Variants in ABCC4 observed in about 807,000 individuals in gnomAD.
The protein encoded by ABCC4 is ATP binding cassette subfamily C member 4 (PEL blood group), also known as ATP-binding cassette sub-family C member 4.
Under a neutral mutation model 168.5 loss-of-function variants are expected in ABCC4, and 102 were observed. That is an observed-to-expected ratio of 0.61 (90% CI 0.52 to 0.71). The LOEUF is 0.71. Among genes scored for constraint, ABCC4 ranks in the 30% least tolerant of loss-of-function variants. The pLI, the probability that ABCC4 is intolerant of heterozygous loss-of-function variation, is 0.00. For synonymous variants in ABCC4, 617 were observed against 590.7 expected (o/e 1.04, Z -0.65); for missense variants, 1,402 against 1,605.8 (o/e 0.87, Z 2.17).
At chr13:95,274,004 G>A (rs1396362476) in intron 1 of ABCC4, among the ~76,000 whole-genome samples, 3 of 151,920 alleles carry the variant, frequency 2.0e-5, no homozygotes, top group Non-Finnish European at 4.4e-5. Flanking sequence ...TCTCCTCCGT[G>A]CCTTCTGTCA....
chr13:95,032,546 T>C lies in ABCC4; in HGVS notation c.3870+2059A>G, dbSNP rs187205184. Among the ~76,000 whole-genome samples, 330 of 152,378 alleles carry C rather than the reference T, an allele frequency of 2.2e-3. 2 individuals are homozygous for C. The highest frequency in any genetic ancestry group is 7.6e-3 in the African/African-American group (315 of 41,586). On this transcript the variant is annotated intron_variant, in intron 30 of 30. Coordinates refer to ENST00000645237, the MANE Select transcript of ABCC4 (RefSeq NM_005845.5). ...AATATCCTACAGACAGTGGCAAGGATAGTTCCTCACTTCTGTGGAGAATGA... is the reference window on the plus strand; with the variant it reads ...AATATCCTACAGACAGTGGCAAGGACAGTTCCTCACTTCTGTGGAGAATGA...
At chr13:95,218,765 C>A (rs1014822258) in intron 4 of ABCC4, among the ~76,000 whole-genome samples, 1 of 151,416 alleles carries the variant, frequency 6.6e-6, no homozygotes, top group South Asian at 2.1e-4. Context: ...GTGGAAAGAT[C>A]GCTTGAGCCC....
At chr13:95,096,188 G>GAA (rs368009361) in intron 20 of ABCC4, 336 of 494,910 alleles carry the variant, frequency 6.8e-4, no homozygotes, top group South Asian at 1.4e-3. Context: ...CTCTATGAAA[G>GAA]AAAAAAAAAA....
chr13:95,119,954 C>T (rs530472018), intron 19 of ABCC4, among the ~76,000 whole-genome samples: 95 of 152,304 alleles, frequency 6.2e-4, no homozygotes, highest in Non-Finnish European at 1.1e-3. Flanking sequence ...TATGCCCACC[C>T]CAGCCTCAAG....
At chr13:95,277,265 A>G (rs2040994835) in intron 1 of ABCC4, among the ~76,000 whole-genome samples, 1 of 151,762 alleles carries the variant, frequency 6.6e-6, no homozygotes, top group East Asian at 1.9e-4. Context: ...CACTAAAAAG[A>G]GGGGGTCAGA....
intron 14 of ABCC4, among the ~76,000 whole-genome samples, chr13:95,167,070 G>A (rs373033951): frequency 1.3e-5 from 2 of 151,852 alleles, no homozygotes; most frequent in Non-Finnish European, 2.9e-5. Flanking sequence ...CTAGCTACTC[G>A]GGAGGCTGAG....
intron 19 of ABCC4, among the ~76,000 whole-genome samples, chr13:95,144,255 C>CATAAAATATTATAATATATAGT (rs2036414016): frequency 6.6e-6 from 1 of 151,200 alleles, no homozygotes; most frequent in African/African-American, 2.4e-5. Context: ...ATGATGATAA[C>CATAAAATATTATAATATATAGT]ATAAAATATT....
At chr13:95,084,624 A>G (rs1353364598) in intron 20 of ABCC4, among the ~76,000 whole-genome samples, 1 of 152,216 alleles carries the variant, frequency 6.6e-6, no homozygotes, top group Non-Finnish European at 1.5e-5. Context: ...AAACAAGTCA[A>G]AATGTCTAAC....
At chr13:95,039,253 A>G (rs938254330) in intron 29 of ABCC4, among the ~76,000 whole-genome samples, 4 of 152,188 alleles carry the variant, frequency 2.6e-5, no homozygotes, top group East Asian at 1.9e-4. Flanking sequence ...AAATGCCCCA[A>G]TGAGTGTCTC....
chr13:95,042,222 T>G (rs190667430), intron 29 of ABCC4, among the ~76,000 whole-genome samples: 1 of 152,330 alleles, frequency 6.6e-6, no homozygotes, highest in Non-Finnish European at 1.5e-5. Context: ...ATCCAGATAG[T>G]CAGGTCCCAA....
At chr13:95,288,606 G>C (rs1051260487) in intron 1 of ABCC4, among the ~76,000 whole-genome samples, 5 of 152,150 alleles carry the variant, frequency 3.3e-5, no homozygotes, top group African/African-American at 1.2e-4. Flanking sequence ...AGGAGTTCAA[G>C]ACCAGCCTGG....
At chr13:95,236,782 C>CA (rs1246029551) in intron 3 of ABCC4, among the ~76,000 whole-genome samples, 1 of 152,112 alleles carries the variant, frequency 6.6e-6, no homozygotes, top group East Asian at 1.9e-4. Flanking sequence ...CCAGCATGGC[C>CA]AATCATTCAA....
At chr13:95,025,285 C>CATT (rs2031417732) in intron 30 of ABCC4, among the ~76,000 whole-genome samples, 1 of 36,372 alleles carries the variant, frequency 2.7e-5, no homozygotes, top group Admixed American at 2.9e-4. Context: ...ACACACACCC[C>CATT]CACACACACC....
At chr13:95,267,093 G>A (rs1388553541) in intron 1 of ABCC4, among the ~76,000 whole-genome samples, 1 of 151,940 alleles carries the variant, frequency 6.6e-6, no homozygotes, top group Non-Finnish European at 1.5e-5. Context: ...TGTTGGAAAG[G>A]CTGGTCTCAA....
At position 95,301,035 on chromosome 13, in the gene ABCC4, C is replaced by A. The variant is rs6650325; in HGVS notation, c.74+206G>T. Among the ~76,000 whole-genome samples the A allele has an allele frequency of 0.51, 77,580 of 151,588 alleles. 21,664 individuals carry two copies. The highest frequency in any genetic ancestry group is 0.62 in the South Asian group (2,976 of 4,826). ...GTCCCCGCGTCCCCCTGCGCCGCGC[C>A]CCGGGGCGCAGGCAGGGACCACGCG... On this transcript the variant is annotated intron_variant, in intron 1 of 30. Coordinates refer to ENST00000645237, the MANE Select transcript of ABCC4 (RefSeq NM_005845.5).
chr13:95,269,995 T>C (rs775878068), intron 1 of ABCC4, among the ~76,000 whole-genome samples: 11 of 152,196 alleles, frequency 7.2e-5, no homozygotes, highest in Non-Finnish European at 1.3e-4. Flanking sequence ...GACAGACTGG[T>C]ATTCAGGGGT....
intron 1 of ABCC4, among the ~76,000 whole-genome samples, chr13:95,255,140 C>A (rs775884340): frequency 1.9e-4 from 29 of 152,204 alleles, no homozygotes; most frequent in Non-Finnish European, 3.8e-4. Flanking sequence ...AGGACACACA[C>A]CAGTGCAAAT....
rs979643651 is a variant in ABCC4, at chr13:95,163,147, A to T, written c.2283T>A (p.Leu761=). 6.2e-7 allele frequency: 1 copy of T among 1,612,706 alleles called. No homozygotes were observed. Among genetic ancestry groups the T allele is most frequent in the Non-Finnish European group, 8.5e-7 (1 of 1,178,826 alleles). Residue 761 remains leucine (L), a synonymous_variant, in exon 18 of 31, where the codon CTT becomes CTA. Transcript: ENST00000645237. The stretch of plus-strand genomic sequence containing the variant: ...CTGAATAAATTCCTAAGTACCAGTT[A>T]AGATCTAGCTTCTCGGTTACATTTC... The part of the protein sequence containing the change: ...GGGNVTEKLD[L]NWYLGIYSGL...
intron 1 of ABCC4, among the ~76,000 whole-genome samples, chr13:95,295,425 C>T (rs561449050): frequency 2.8e-4 from 43 of 152,130 alleles, no homozygotes; most frequent in African/African-American, 9.4e-4. Context: ...TTTGGGAGGC[C>T]GAGGTGGGTA....
Sources: gnomAD v4.1 joint callset for allele counts (sites outside exome capture counted in the v4.1 genomes callset) on GRCh38, gnomAD v4.1.1 for gene constraint, MANE v1.5 for transcripts, NCBI Gene and HGNC (gene_info 2026-07-23, HGNC 2026-07-21) for gene names.